Variants in FHIT observed in about 807,000 individuals in gnomAD.
The protein encoded by FHIT is fragile histidine triad diadenosine triphosphatase.
A neutral mutation model predicts 17.9 loss-of-function variants in FHIT; 19 were observed. That is an observed-to-expected ratio of 1.06 (90% CI 0.74 to 1.56). The LOEUF (loss-of-function observed/expected upper bound fraction) is 1.56. FHIT is among the 40% of genes most tolerant of loss of function. The pLI is 0.00. For missense variants in FHIT, 248 were observed against 189.2 expected, an observed-to-expected ratio of 1.31 and a Z score of -1.82; for synonymous variants, 81 against 69.7, an observed-to-expected ratio of 1.16 and a Z score of -0.81.
intron 3 of FHIT, among the ~76,000 whole-genome samples, chr3:60,926,356 C>T (rs1392335991): frequency 6.6e-6 from 1 of 152,226 alleles, no homozygotes; most frequent in African/African-American, 2.4e-5. Flanking sequence ...AACAAACTAT[C>T]TCTCAGATCA....
intron 2 of FHIT, among the ~76,000 whole-genome samples, chr3:61,188,024 A>G (rs187002177): frequency 1.3e-5 from 2 of 152,358 alleles, no homozygotes; most frequent in East Asian, 3.9e-4. Flanking sequence ...TTAAAGAACT[A>G]GAGAAGCAAG....
chr3:61,093,362 T>C (rs1414129334), intron 2 of FHIT, among the ~76,000 whole-genome samples: 1 of 152,102 alleles, frequency 6.6e-6, no homozygotes, highest in Admixed American at 6.5e-5. Flanking sequence ...ACATCTGTGA[T>C]TGTCAAAACC....
At chr3:60,850,827 A>T (rs565663945) in intron 3 of FHIT, among the ~76,000 whole-genome samples, 2 of 152,172 alleles carry the variant, frequency 1.3e-5, no homozygotes, top group East Asian at 3.9e-4. Flanking sequence ...TATATAACCT[A>T]CTCATTACTT....
chr3:60,298,538 A>G (rs1300112488), intron 5 of FHIT, among the ~76,000 whole-genome samples: 1 of 152,152 alleles, frequency 6.6e-6, no homozygotes, highest in South Asian at 2.1e-4. Context: ...GAGAGTCACC[A>G]TCTTTGACTT....
intron 3 of FHIT, among the ~76,000 whole-genome samples, chr3:60,825,734 T>A (rs1464204017): frequency 6.6e-6 from 1 of 152,060 alleles, no homozygotes; most frequent in East Asian, 1.9e-4. Flanking sequence ...CCCAAAACCA[T>A]ACCCCCCACC....
intron 5 of FHIT, among the ~76,000 whole-genome samples, chr3:60,245,628 G>C (rs184508175): frequency 1.1e-3 from 172 of 152,158 alleles, no homozygotes; most frequent in African/African-American, 3.9e-3. Context: ...GGATGATATA[G>C]TCATTTGTAA....
chr3:60,142,474 C>T (rs1700078657), intron 5 of FHIT, among the ~76,000 whole-genome samples: 2 of 147,926 alleles, frequency 1.4e-5, no homozygotes, highest in South Asian at 4.3e-4. Context: ...GAAAAGATGC[C>T]AGGCTATTTA....
intron 3 of FHIT, among the ~76,000 whole-genome samples, chr3:60,967,431 T>C (rs1283185296): frequency 2.0e-5 from 3 of 152,206 alleles, no homozygotes; most frequent in Non-Finnish European, 4.4e-5. Context: ...GGATTAACCA[T>C]GGTTTCAATA....
At chr3:61,146,552 AG>A (rs2037232013) in intron 2 of FHIT, among the ~76,000 whole-genome samples, 1 of 152,090 alleles carries the variant, frequency 6.6e-6, no homozygotes, top group South Asian at 2.1e-4. Context: ...TCTGTTATAC[AG>A]GCAACAGCCC....
chr3:60,144,563 T>C (rs1296611274), intron 5 of FHIT, among the ~76,000 whole-genome samples: 4 of 152,154 alleles, frequency 2.6e-5, no homozygotes, highest in African/African-American at 9.7e-5. Context: ...GTCTTGAACA[T>C]TTTCTCAGTT....
intron 2 of FHIT, among the ~76,000 whole-genome samples, chr3:61,140,322 T>C (rs971950072): frequency 3.3e-5 from 5 of 152,102 alleles, no homozygotes; most frequent in South Asian, 2.1e-4. Context: ...GAAAAAAATA[T>C]AGAATAAGTA....
At chr3:60,225,774 G>A (rs1487405613) in intron 5 of FHIT, among the ~76,000 whole-genome samples, 1 of 152,140 alleles carries the variant, frequency 6.6e-6, no homozygotes, top group Non-Finnish European at 1.5e-5. Context: ...ATAACAGACG[G>A]ACAGGGGAGC....
At chr3:59,985,526 A>T (rs574967190) in intron 7 of FHIT, among the ~76,000 whole-genome samples, 1 of 152,196 alleles carries the variant, frequency 6.6e-6, no homozygotes, top group Non-Finnish European at 1.5e-5. Flanking sequence ...ATCTATGTAC[A>T]TAATTTAGAA....
chr3:60,085,282 C>G (rs1703448456), intron 5 of FHIT, among the ~76,000 whole-genome samples: 1 of 152,110 alleles, frequency 6.6e-6, no homozygotes, highest in Non-Finnish European at 1.5e-5. Context: ...AAGAGCAGAT[C>G]ATTCTGTCCA....
chr3:59,989,280 C>T (rs1313039349), intron 7 of FHIT, among the ~76,000 whole-genome samples: 1 of 152,000 alleles, frequency 6.6e-6, no homozygotes, highest in East Asian at 1.9e-4. Context: ...ATGGAGACAG[C>T]CTTTTCACTA....
intron 8 of FHIT, among the ~76,000 whole-genome samples, chr3:59,841,492 C>T (rs1056932599): frequency 2.6e-5 from 4 of 152,164 alleles, no homozygotes; most frequent in East Asian, 1.9e-4. Context: ...CCATTCATCA[C>T]GGAACAATCC....
At chr3:60,317,283 T>A (rs1341671454) in intron 5 of FHIT, among the ~76,000 whole-genome samples, 1 of 151,982 alleles carries the variant, frequency 6.6e-6, no homozygotes, top group Non-Finnish European at 1.5e-5. Flanking sequence ...CAAGTGCATA[T>A]ATAACTAAAT....
chr3:60,624,257 A>G (rs560353664), intron 4 of FHIT, among the ~76,000 whole-genome samples: 3 of 152,366 alleles, frequency 2.0e-5, no homozygotes, highest in Non-Finnish European at 4.4e-5. Context: ...AAGAGACAGC[A>G]GGAAAGCTTA....
At chr3:60,020,264 G>C (rs1474232465) in intron 5 of FHIT, among the ~76,000 whole-genome samples, 1 of 152,130 alleles carries the variant, frequency 6.6e-6, no homozygotes, top group African/African-American at 2.4e-5. Context: ...TTTTTAGGAG[G>C]ATTTCCATGA....
Sources: allele counts gnomAD v4.1 joint callset (sites outside exome capture counted in the v4.1 genomes callset), GRCh38; gene constraint gnomAD v4.1.1; transcripts MANE v1.5; gene names NCBI Gene and HGNC (gene_info 2026-07-23, HGNC 2026-07-21).